The following FRMD4A variants were observed in gnomAD, a reference collection of about 807,000 sequenced individuals.
FRMD4A encodes FERM domain-containing protein 4A.
FRMD4A carries 29 observed loss-of-function variants against 129.1 expected under a neutral mutation model. That is an observed-to-expected ratio of 0.22 (90% CI 0.17 to 0.31). FRMD4A has a LOEUF of 0.31. Among genes scored for constraint, FRMD4A ranks in the 10% least tolerant of loss-of-function variants. The pLI, the probability that FRMD4A is intolerant of heterozygous loss-of-function variation, is 1.00. For synonymous variants in FRMD4A, 634 were observed against 571.6 expected, an observed-to-expected ratio of 1.11 and a Z score of -1.56; for missense variants, 1,272 against 1,375.8, an observed-to-expected ratio of 0.92 and a Z score of 1.19.
chr10:14,044,146 C>T (rs1037576098), intron 2 of FRMD4A, among the ~76,000 whole-genome samples: 3 of 152,190 alleles, frequency 2.0e-5, no homozygotes, highest in Admixed American at 1.3e-4. Context: ...TCATCTTTAA[C>T]GTCTCTGCTC....
intron 2 of FRMD4A, among the ~76,000 whole-genome samples, chr10:14,316,524 A>AAAAAAAAAAAAAAAAAAAAG: frequency 7.5e-6 from 1 of 132,614 alleles, no homozygotes; most frequent in Non-Finnish European, 1.6e-5. Flanking sequence ...AAAAAAAAAA[A>AAAAAAAAAAAAAAAAAAAAG]AAGAAGAAGA....
At chr10:13,824,024 GC>G (rs2093665305) in intron 3 of FRMD4A, among the ~76,000 whole-genome samples, 2 of 152,160 alleles carry the variant, frequency 1.3e-5, no homozygotes, top group African/African-American at 4.8e-5. Flanking sequence ...TTGCCTTTTA[GC>G]AGGATGGTGG....
At chr10:13,785,770 CT>C (rs779222498) in intron 5 of FRMD4A, among the ~76,000 whole-genome samples, 14 of 151,800 alleles carry the variant, frequency 9.2e-5, no homozygotes, top group Non-Finnish European at 1.8e-4. Flanking sequence ...ATCCCTCCCC[CT>C]ACCCCCCACC....
At chr10:14,021,626 T>C (rs1008590873) in intron 2 of FRMD4A, among the ~76,000 whole-genome samples, 1 of 151,952 alleles carries the variant, frequency 6.6e-6, no homozygotes, top group South Asian at 2.1e-4. Flanking sequence ...TGTTTCCCTC[T>C]GGGGGAGGGA....
chr10:14,126,731 T>A, intron 2 of FRMD4A, among the ~76,000 whole-genome samples: 1 of 152,212 alleles, frequency 6.6e-6, no homozygotes, highest in East Asian at 1.9e-4. Context: ...CTGAATCACC[T>A]TGCAGAGAGG....
chr10:14,314,948 A>AG (rs996707318), intron 2 of FRMD4A, among the ~76,000 whole-genome samples: 3 of 50,314 alleles, frequency 6.0e-5, no homozygotes, highest in Non-Finnish European at 1.2e-4. Flanking sequence ...TCTTATATAT[A>AG]GTTTTTTTTT....
At chr10:14,077,807 C>T (rs1835698216) in intron 2 of FRMD4A, among the ~76,000 whole-genome samples, 1 of 152,166 alleles carries the variant, frequency 6.6e-6, no homozygotes, top group Non-Finnish European at 1.5e-5. Flanking sequence ...TAAATTGCAT[C>T]TTCTGAAATA....
intron 2 of FRMD4A, among the ~76,000 whole-genome samples, chr10:13,897,140 G>C (rs895899208): frequency 6.6e-6 from 1 of 152,206 alleles, no homozygotes; most frequent in African/African-American, 2.4e-5. Context: ...CTAACATGTA[G>C]TTGTGATTAA....
intron 2 of FRMD4A, among the ~76,000 whole-genome samples, chr10:14,304,674 A>G (rs1156801802): frequency 6.6e-6 from 1 of 152,106 alleles, no homozygotes; most frequent in African/African-American, 2.4e-5. Flanking sequence ...GTCCCACCAG[A>G]TCTCCTCCTC....
At chr10:14,249,916 T>C (rs967285898) in intron 2 of FRMD4A, among the ~76,000 whole-genome samples, 1 of 152,232 alleles carries the variant, frequency 6.6e-6, no homozygotes, top group African/African-American at 2.4e-5. Flanking sequence ...ATTAATGTAG[T>C]TACTCTTCAG....
intron 2 of FRMD4A, among the ~76,000 whole-genome samples, chr10:14,106,722 A>G (rs1049315135): frequency 6.6e-6 from 1 of 152,194 alleles, no homozygotes; most frequent in African/African-American, 2.4e-5. Flanking sequence ...ATCATTTCAG[A>G]TTTTTTTAAA....
intron 2 of FRMD4A, among the ~76,000 whole-genome samples, chr10:13,865,678 T>G (rs1436838931): frequency 6.6e-6 from 1 of 151,788 alleles, no homozygotes; most frequent in African/African-American, 2.4e-5. Context: ...CCAGTGACCC[T>G]CCCCACCTTA....
rs896454001 is a variant in FRMD4A, at chr10:13,858,097, G to A, written c.111+750C>T. ...GCTTAGCACTTAGAAAGAGGACCGA[G>A]TACAGAGATTGTTCCTCTTTAATCT... On this transcript the variant is annotated intron_variant, in intron 3 of 24. Coordinates refer to ENST00000357447, the MANE Select transcript of FRMD4A (RefSeq NM_018027.5). Among the ~76,000 whole-genome samples, 16 of 152,186 alleles carry A rather than the reference G, an allele frequency of 1.1e-4. No homozygotes were observed. The East Asian group carries it at 1.5e-3, about 15-fold the overall frequency.
intron 2 of FRMD4A, among the ~76,000 whole-genome samples, chr10:14,327,930 C>CCG (rs994107851): frequency 2.6e-5 from 4 of 152,174 alleles, no homozygotes; most frequent in Non-Finnish European, 5.9e-5. Flanking sequence ...CAAAGCAACT[C>CCG]CGCTAAATGG....
intron 2 of FRMD4A, among the ~76,000 whole-genome samples, chr10:13,903,573 G>T (rs2797873): frequency 0.93 from 140,665 of 151,848 alleles, 65,208 homozygotes; most frequent in Non-Finnish European, 0.94. Context: ...TACAAAAAAT[G>T]TTTTTAAATA....
intron 2 of FRMD4A, among the ~76,000 whole-genome samples, chr10:14,106,052 T>C (rs1457351016): frequency 6.6e-6 from 1 of 152,250 alleles, no homozygotes; most frequent in Non-Finnish European, 1.5e-5. Context: ...CTATCATTCC[T>C]ATATCATTTA....
intron 2 of FRMD4A, among the ~76,000 whole-genome samples, chr10:14,327,298 C>T (rs547547633): frequency 6.6e-6 from 1 of 152,334 alleles, no homozygotes; most frequent in South Asian, 2.1e-4. Flanking sequence ...ACACACTCCA[C>T]CATTTTCATA....
chr10:13,884,172 A>G (rs1230888971), intron 2 of FRMD4A, among the ~76,000 whole-genome samples: 1 of 21,690 alleles, frequency 4.6e-5, no homozygotes, highest in South Asian at 1.7e-3. Context: ...ACACACTCAC[A>G]CACTCACACA....
intron 9 of FRMD4A, among the ~76,000 whole-genome samples, chr10:13,743,399 T>A (rs570503497): frequency 8.8e-4 from 134 of 152,212 alleles, no homozygotes; most frequent in Non-Finnish European, 1.6e-3. Flanking sequence ...TTTTGTGAAG[T>A]CGACTCCTAG....
Sources: allele counts gnomAD v4.1 joint callset (sites outside exome capture counted in the v4.1 genomes callset), GRCh38; gene constraint gnomAD v4.1.1; transcripts MANE v1.5; gene names NCBI Gene and HGNC (gene_info 2026-07-23, HGNC 2026-07-21).